Variants in ASIC5 observed in about 807,000 individuals in gnomAD.
ASIC5 encodes acid sensing ion channel subunit family member 5.
In ASIC5, 52 loss-of-function variants were observed where a neutral mutation model predicts 51.2. The observed-to-expected ratio is 1.02, with a 90% CI of 0.81 to 1.28. ASIC5 has a LOEUF of 1.28. Among genes scored for constraint, ASIC5 ranks in the 50% most tolerant of loss-of-function variants. ASIC5 has a pLI of 0.00. For missense variants in ASIC5, 635 were observed against 595.0 expected, an observed-to-expected ratio of 1.07 and a Z score of -0.70; for synonymous variants, 231 against 200.7, an observed-to-expected ratio of 1.15 and a Z score of -1.28.
intron 1 of ASIC5, among the ~76,000 whole-genome samples, chr4:155,864,294 A>G (rs1481244765): frequency 3.3e-5 from 5 of 152,154 alleles, no homozygotes; most frequent in Non-Finnish European, 7.4e-5. Flanking sequence ...TTGTTTAGTC[A>G]GAATGTTCAG....
In ASIC5 at chr4:155,836,757, G is replaced by C. The variant is rs149723347; in HGVS notation, c.1167C>G (p.Ser389=). ...TCAAAGCTTTTTGACTTGGAAAAGA[G>C]GAATAAGAAATAGTGGCCGGGTATT... ...EIEYPATISY[S]SFPSQKALKY... is the part of the protein sequence containing the mutation. The change falls in exon 8 of 10, where the codon TCC becomes TCG. Residue 389 remains serine, a synonymous_variant. Transcript: ENST00000537611. The C allele has an allele frequency of 6.0e-5, 97 of 1,610,834 alleles. No individual in the cohort carries two copies. The African/African-American group carries it at 1.0e-3, about 17-fold the overall frequency.
In ASIC5 at chr4:155,836,656, A is replaced by G. The variant is rs140164474; in HGVS notation, c.1235+33T>C. The G allele has an allele frequency of 2.7e-4, 362 of 1,356,224 alleles. 4 individuals are homozygous for G. In the East Asian group the frequency reaches 8.4e-3, roughly 31 times the overall value. 84.0% of individuals were successfully genotyped at this position (1,356,224 alleles called of 1,614,324 possible). A position where few individuals can be genotyped will look rare whatever the true frequency, so the allele number is the denominator to read the frequency against. ...AATAAAGAAAAAAAAATCTATGTTA[A>G]TTATCAATAATTTAAAAGGCTAGTA... On this transcript the variant is annotated intron_variant, in intron 8 of 9. Coordinates refer to ENST00000537611, the MANE Select transcript of ASIC5 (RefSeq NM_017419.3).
At chr4:155,850,528 G>A (rs765515466) in intron 4 of ASIC5, among the ~76,000 whole-genome samples, 11 of 152,064 alleles carry the variant, frequency 7.2e-5, no homozygotes, top group East Asian at 1.9e-4. Flanking sequence ...TTGTCTCACC[G>A]TTTTTCTCAA....
At chr4:155,863,413 T>C (rs1270605474) in intron 2 of ASIC5, 35 bp downstream of exon 2, 3 of 1,495,232 alleles carry the variant, frequency 2.0e-6, no homozygotes, top group Admixed American at 1.9e-5. Context: ...AGCAAATTTA[T>C]AGGAACTAAT....
rs777591506 is a variant in ASIC5, at chr4:155,829,976, A to T, written c.1398T>A (p.Tyr466Ter). The stretch of plus-strand genomic sequence containing the variant: ...ATATCCAGTAGAAATTGGTGAATAG[A>T]TATTCAATAATTTCTATGATCGTGA... ...SLITIIEIIE[Y>*]LFTNFYWICI... The change falls in exon 10 of 10, where the codon TAT (tyrosine) becomes TAA (stop). Residue 466 changes from tyrosine to a stop codon, truncating the protein, a stop_gained. Coordinates refer to ENST00000537611, the MANE Select transcript of ASIC5 (RefSeq NM_017419.3). LOFTEE classifies it high-confidence loss of function. 6.2e-7 allele frequency: 1 copy of T among 1,601,340 alleles called. No homozygotes were observed. Among genetic ancestry groups the T allele is most frequent in the Admixed American group, 1.7e-5 (1 of 58,642 alleles).
At chr4:155,844,372 G>A (rs1193112878) in intron 4 of ASIC5, among the ~76,000 whole-genome samples, 1 of 151,998 alleles carries the variant, frequency 6.6e-6, no homozygotes, top group Admixed American at 6.6e-5. Context: ...CATCCACCAA[G>A]GAATGTGAAC....
At chr4:155,854,389 A>C in intron 2 of ASIC5, 75 bp from the exon 3 acceptor site, 1 of 1,030,192 alleles carries the variant, frequency 9.7e-7, no homozygotes, top group South Asian at 1.5e-5. Context: ...ACCAACATCT[A>C]GATTCTATTA....
rs144654865 is a variant in ASIC5 at position 155,831,491 on chromosome 4, G to A, written c.1327+333C>T. ...ATTTTTAAATATAAGGAGCAATTAG[G>A]CCGGGCATGGTGGCTCATGCCTGTA... On this transcript the variant is annotated intron_variant, in intron 9 of 9. Transcript: ENST00000537611. Among the ~76,000 whole-genome samples, 245 of 152,234 alleles carry A rather than the reference G, an allele frequency of 1.6e-3. 1 individual carries two copies. The highest frequency in any genetic ancestry group is 0.01 in the Middle Eastern group (3 of 294).
Position 155,831,748 on chromosome 4 carries a change from T to G in ASIC5, c.1327+76A>C, listed in dbSNP as rs1264721705. Reference sequence around the variant, plus strand: ...AAGATGGCGCCACTGCACTCCAGCCTGGGCTACAGAGCGAGATTCTGTCTC... The same window carrying G: ...AAGATGGCGCCACTGCACTCCAGCCGGGGCTACAGAGCGAGATTCTGTCTC... On this transcript the variant is annotated intron_variant, in intron 9 of 9. Coordinates refer to ENST00000537611, the MANE Select transcript of ASIC5 (RefSeq NM_017419.3). 3 of 979,480 alleles carry G rather than the reference T, an allele frequency of 3.1e-6. No homozygotes were observed. The Admixed American group carries it at 6.1e-5, about 20-fold the overall frequency. The allele number at this position is 979,480 out of a possible 1,614,324, so 60.7% of individuals were successfully genotyped here.
At chr4:155,844,334 A>T (rs1413949138) in intron 4 of ASIC5, among the ~76,000 whole-genome samples, 1 of 151,442 alleles carries the variant, frequency 6.6e-6, no homozygotes, top group Non-Finnish European at 1.5e-5. Context: ...AACAAAAAAA[A>T]CTCCTTTTTT....
chr4:155,848,596 C>A (rs1204682815), intron 4 of ASIC5, among the ~76,000 whole-genome samples: 2 of 152,010 alleles, frequency 1.3e-5, no homozygotes, highest in Non-Finnish European at 2.9e-5. Context: ...GTGTCTTTGA[C>A]TATGTCTGCC....
Position 155,843,728 on chromosome 4 carries a change from A to G in ASIC5, c.814T>C (p.Leu272=), listed in dbSNP as rs769293873. Reference sequence around the variant, plus strand: ...CTTGCGTGCATTCCCACAGGTGACAACAAGCCTAACCCATCAAACTGTGGC... The same window carrying G: ...CTTGCGTGCATTCCCACAGGTGACAGCAAGCCTAACCCATCAAACTGTGGC... The part of the protein sequence containing the change: ...KVPQFDGLGL[L]SPVGMHARVT... Residue 272 remains leucine, a synonymous_variant, in exon 5 of 10, where the codon TTG becomes CTG. Transcript: ENST00000537611. 6.2e-7 allele frequency: 1 copy of G among 1,613,564 alleles called. No homozygotes were observed. The highest frequency in any genetic ancestry group is 2.2e-5 in the East Asian group (1 of 44,830).
At chr4:155,835,104 A>G (rs1211048911) in intron 8 of ASIC5, among the ~76,000 whole-genome samples, 1 of 152,160 alleles carries the variant, frequency 6.6e-6, no homozygotes, top group Non-Finnish European at 1.5e-5. Flanking sequence ...GGGATACAGA[A>G]GGCTGTCACA....
intron 2 of ASIC5, among the ~76,000 whole-genome samples, chr4:155,861,095 T>A (rs915536891): frequency 2.0e-5 from 3 of 152,004 alleles, no homozygotes; most frequent in African/African-American, 7.2e-5. Context: ...TCTAATTTTA[T>A]TCTATTGTGA....
At chr4:155,848,341 C>T (rs72956428) in intron 4 of ASIC5, among the ~76,000 whole-genome samples, 10,935 of 151,820 alleles carry the variant, frequency 0.072, 1,021 homozygotes, top group African/African-American at 0.22. Context: ...ATTAGTTTCC[C>T]TAAAGTCCAA....
intron 8 of ASIC5, among the ~76,000 whole-genome samples, chr4:155,836,141 A>T (rs1341949724): frequency 6.6e-6 from 1 of 152,174 alleles, no homozygotes; most frequent in African/African-American, 2.4e-5. Context: ...GACTAATTTA[A>T]TTCTCAGTTA....
intron 6 of ASIC5, among the ~76,000 whole-genome samples, chr4:155,840,285 A>G (rs1162750695): frequency 1.3e-5 from 2 of 151,906 alleles, no homozygotes; most frequent in African/African-American, 2.4e-5. Context: ...CAGCAGTTTT[A>G]TATAGAACAG....
At chr4:155,833,436 A>G (rs1444915022) in intron 8 of ASIC5, among the ~76,000 whole-genome samples, 1 of 152,224 alleles carries the variant, frequency 6.6e-6, no homozygotes, top group Admixed American at 6.5e-5. Flanking sequence ...ATAATTCCAA[A>G]TATACTTAAT....
At chr4:155,837,037 A>C (rs566586416) in intron 7 of ASIC5, among the ~76,000 whole-genome samples, 180 bp from the exon 8 acceptor site, 8 of 152,340 alleles carry the variant, frequency 5.3e-5, no homozygotes, top group African/African-American at 1.9e-4. Context: ...ATACAATATA[A>C]GGCCTGGAAG....
Sources: gnomAD v4.1 joint callset for allele counts (sites outside exome capture counted in the v4.1 genomes callset) on GRCh38, gnomAD v4.1.1 for gene constraint, MANE v1.5 for transcripts, NCBI Gene and HGNC (gene_info 2026-07-23, HGNC 2026-07-21) for gene names.